The following STARD13 variants were observed in gnomAD, a reference collection of about 807,000 sequenced individuals.
STARD13 encodes the protein StAR related lipid transfer domain containing 13.
Under a neutral mutation model 106.4 loss-of-function variants are expected in STARD13, and 62 were observed. That is an observed-to-expected ratio of 0.58 (90% CI 0.48 to 0.72). STARD13 has a LOEUF of 0.72. Among genes scored for constraint, STARD13 ranks in the 30% least tolerant of loss-of-function variants. The pLI, the probability that STARD13 is intolerant of heterozygous loss-of-function variation, is 0.00. For synonymous variants in STARD13, 565 were observed against 553.0 expected (o/e 1.02, Z -0.31); for missense variants, 1,387 against 1,424.0 (o/e 0.97, Z 0.42).
At chr13:33,196,259 G>A (rs1295854983) in intron 1 of STARD13, among the ~76,000 whole-genome samples, 1 of 152,022 alleles carries the variant, frequency 6.6e-6, no homozygotes, top group Non-Finnish European at 1.5e-5. Flanking sequence ...GTGACACGAC[G>A]CATGCCTGTA....
the STARD13 span, among the ~76,000 whole-genome samples, chr13:33,429,957 G>C: frequency 6.8e-6 from 1 of 147,164 alleles, no homozygotes; most frequent in African/African-American, 2.6e-5. Flanking sequence ...TCGCTCTGTT[G>C]CCCAGGCTGG....
At chr13:33,218,913 A>T (rs1316963224) in intron 1 of STARD13, among the ~76,000 whole-genome samples, 1 of 152,226 alleles carries the variant, frequency 6.6e-6, no homozygotes, top group Non-Finnish European at 1.5e-5. Context: ...ACGGCACTGA[A>T]AAAACAGAGA....
At chr13:33,479,197 C>G in the STARD13 span, among the ~76,000 whole-genome samples, 1 of 152,198 alleles carries the variant, frequency 6.6e-6, no homozygotes, top group African/African-American at 2.4e-5. Flanking sequence ...CATTTCTCAT[C>G]TATTAGATAA....
chr13:33,415,434 A>C, the STARD13 span, among the ~76,000 whole-genome samples: 4,101 of 152,292 alleles, frequency 0.027, 142 homozygotes, highest in East Asian at 0.098. Flanking sequence ...CAGTAGGAGT[A>C]AGAGGGAAAT....
chr13:33,308,512 TTTTCTTTC>T (rs1457677578), intron 1 of STARD13, among the ~76,000 whole-genome samples: 1 of 129,802 alleles, frequency 7.7e-6, no homozygotes, highest in Non-Finnish European at 1.7e-5. Flanking sequence ...TTCTTTTTCT[TTTTCTTTC>T]TTTTTTTTTT....
intron 13 of STARD13, among the ~76,000 whole-genome samples, 192 bp from the exon 14 acceptor site, chr13:33,105,902 T>A (rs190603022): frequency 3.2e-4 from 48 of 152,372 alleles, no homozygotes; most frequent in Non-Finnish European, 6.0e-4. Context: ...TGCTAAGTAT[T>A]CATGTTGTCA....
intron 1 of STARD13, among the ~76,000 whole-genome samples, chr13:33,215,140 A>G (rs1887967423): frequency 6.7e-6 from 1 of 148,218 alleles, no homozygotes; most frequent in Admixed American, 6.7e-5. Context: ...GTGGGGGGAA[A>G]TAAGCACCTC....
the STARD13 span, among the ~76,000 whole-genome samples, chr13:33,551,651 T>G: frequency 7.8e-6 from 1 of 128,150 alleles, no homozygotes; most frequent in Non-Finnish European, 1.6e-5. Flanking sequence ...CAGGCTGGAG[T>G]ACAGTGTTGG....
At chr13:33,504,299 T>A in the STARD13 span, among the ~76,000 whole-genome samples, 393 of 152,234 alleles carry the variant, frequency 2.6e-3, 1 homozygote, top group African/African-American at 9.3e-3. Flanking sequence ...TAAAGACACA[T>A]GCACACATAT....
chr13:33,115,457 A>G (rs1300084250), intron 8 of STARD13, among the ~76,000 whole-genome samples: 1 of 152,192 alleles, frequency 6.6e-6, no homozygotes, highest in Non-Finnish European at 1.5e-5. Flanking sequence ...TTCCTGGGTC[A>G]ATGACACTGT....
the STARD13 span, among the ~76,000 whole-genome samples, chr13:33,662,829 A>G: frequency 6.6e-6 from 1 of 152,198 alleles, no homozygotes; most frequent in African/African-American, 2.4e-5. Context: ...GAGACATAAA[A>G]TTTTCCCAAG....
chr13:33,250,573 A>G (rs1890051161), intron 1 of STARD13, among the ~76,000 whole-genome samples: 1 of 152,222 alleles, frequency 6.6e-6, no homozygotes, highest in African/African-American at 2.4e-5. Context: ...ATTATTTCAT[A>G]TTGCTGAGGC....
chr13:33,606,440 C>T, the STARD13 span, among the ~76,000 whole-genome samples: 1 of 152,166 alleles, frequency 6.6e-6, no homozygotes, highest in African/African-American at 2.4e-5. Flanking sequence ...TTTATTTTCA[C>T]TATCGCATTA....
the STARD13 span, among the ~76,000 whole-genome samples, chr13:33,380,483 C>A: frequency 7.5e-6 from 1 of 132,534 alleles, no homozygotes; most frequent in African/African-American, 2.8e-5. Flanking sequence ...CCCCCACCCC[C>A]CCCACACACA....
the STARD13 span, among the ~76,000 whole-genome samples, chr13:33,638,991 T>G: frequency 6.6e-6 from 1 of 152,332 alleles, no homozygotes; most frequent in African/African-American, 2.4e-5. Flanking sequence ...AATTCATTCT[T>G]TCCGCAGATA....
chr13:33,137,685 T>A (rs1348977525), intron 4 of STARD13, among the ~76,000 whole-genome samples: 1 of 152,218 alleles, frequency 6.6e-6, no homozygotes, highest in Non-Finnish European at 1.5e-5. Flanking sequence ...GGGAGAGGGA[T>A]GCACTAAGAA....
At chr13:33,440,089 C>G in the STARD13 span, among the ~76,000 whole-genome samples, 1 of 151,984 alleles carries the variant, frequency 6.6e-6, no homozygotes, top group Non-Finnish European at 1.5e-5. Context: ...TCAGACTGGG[C>G]AACATAGCGA....
chr13:33,603,079 C>T, the STARD13 span, among the ~76,000 whole-genome samples: 1 of 152,116 alleles, frequency 6.6e-6, no homozygotes, highest in Non-Finnish European at 1.5e-5. Context: ...AAGGATCCCT[C>T]GGGCCTCTCA....
chr13:33,628,678 C>CCT, the STARD13 span, among the ~76,000 whole-genome samples: 1 of 152,228 alleles, frequency 6.6e-6, no homozygotes, highest in African/African-American at 2.4e-5. Flanking sequence ...GGCACCTGAA[C>CCT]CTCCGTGGCA....
Sources: allele counts gnomAD v4.1 joint callset (sites outside exome capture counted in the v4.1 genomes callset), GRCh38; gene constraint gnomAD v4.1.1; transcripts MANE v1.5; gene names NCBI Gene and HGNC (gene_info 2026-07-23, HGNC 2026-07-21).